Variants in FUT9 observed in about 807,000 individuals in gnomAD.
The protein encoded by FUT9 is 4-galactosyl-N-acetylglucosaminide 3-alpha-L-fucosyltransferase 9.
A neutral mutation model predicts 29.7 loss-of-function variants in FUT9; 15 were observed. The observed-to-expected ratio is 0.51, with a 90% confidence interval of 0.34 to 0.78. FUT9 has a LOEUF of 0.78. Among genes scored for constraint, FUT9 ranks in the 30% least tolerant of loss-of-function variants. The probability of loss-of-function intolerance (pLI) is 0.01; values close to 1 mark genes in which losing one functional copy is unlikely to be tolerated. For synonymous variants in FUT9, 169 were observed against 153.7 expected (o/e 1.10, Z -0.74); for missense variants, 319 against 425.4 (o/e 0.75, Z 2.20).
At chr6:96,202,581 A>C (rs1205403714) in intron 2 of FUT9, among the ~76,000 whole-genome samples, 3 of 152,198 alleles carry the variant, frequency 2.0e-5, no homozygotes, top group Non-Finnish European at 4.4e-5. Flanking sequence ...TCAAATCAAG[A>C]GTTGCCATTT....
At chr6:96,118,735 TCCATGCACGTTATTG>T (rs896689723) in intron 2 of FUT9, among the ~76,000 whole-genome samples, 3 of 152,150 alleles carry the variant, frequency 2.0e-5, no homozygotes, top group Admixed American at 6.5e-5. Context: ...AGATGACAGG[TCCATGCACGTTATTG>T]CCCCTGAAGA....
intron 2 of FUT9, among the ~76,000 whole-genome samples, chr6:96,115,516 A>G (rs1428570811): frequency 6.6e-6 from 1 of 152,256 alleles, no homozygotes; most frequent in African/African-American, 2.4e-5. Flanking sequence ...AAGTGTTCCA[A>G]TAACTAAATC....
rs1771241616 is a variant in FUT9, at chr6:96,081,737, A to T, written c.-97-32302A>T. Among the ~76,000 whole-genome samples the T allele has an allele frequency of 3.3e-5, 5 of 151,916 alleles. No individual in the cohort carries two copies. The South Asian group carries it at 1.0e-3, about 31-fold the overall frequency. On this transcript the variant is annotated intron_variant, in intron 1 of 2. Transcript: ENST00000302103. ...AGATTTCCACATGTTCAAATGCAAT[A>T]GATTATGCCAAACTATTAAGTGTTT...
At chr6:96,195,652 C>G (rs537159955) in intron 2 of FUT9, among the ~76,000 whole-genome samples, 10 of 152,136 alleles carry the variant, frequency 6.6e-5, no homozygotes, top group Non-Finnish European at 1.3e-4. Context: ...GACTTTGAGA[C>G]AGAATATAAT....
intron 2 of FUT9, among the ~76,000 whole-genome samples, chr6:96,179,420 A>G (rs954566670): frequency 2.0e-5 from 3 of 152,126 alleles, no homozygotes; most frequent in Non-Finnish European, 4.4e-5. Context: ...TGCAAGTGCT[A>G]TGTCAAAGAG....
chr6:96,125,204 A>G (rs1772112361), intron 2 of FUT9, among the ~76,000 whole-genome samples: 1 of 152,216 alleles, frequency 6.6e-6, no homozygotes, highest in South Asian at 2.1e-4. Context: ...GAGGAGCTAC[A>G]TAATTGTTAA....
rs1773846332 is a variant in FUT9 at position 96,207,129 on chromosome 6, T to TTTATAATTGCTATAATATAGAAA, written c.*2906_*2928dup. ...GCTGGAAGGAATTATAATTTTGTTG[T>TTTATAATTGCTATAATATAGAAA]TTATAATTGCTATAATATAGAAATT... On this transcript the variant is annotated 3_prime_UTR_variant, in exon 3 of 3. Coordinates refer to ENST00000302103, the MANE Select transcript of FUT9 (RefSeq NM_006581.4). 6.0e-6 allele frequency: 1 copy of TTTATAATTGCTATAATATAGAAA among 166,564 alleles called. No homozygotes were observed. The highest frequency in any genetic ancestry group is 2.4e-5 in the African/African-American group (1 of 41,450). The allele number at this position is 166,564 out of a possible 1,614,324, so 10.3% of individuals were successfully genotyped here.
chr6:96,147,623 GTCT>G (rs1340801786), intron 2 of FUT9, among the ~76,000 whole-genome samples: 2 of 152,052 alleles, frequency 1.3e-5, no homozygotes, highest in Admixed American at 1.3e-4. Context: ...AGAGAAGTAA[GTCT>G]TCTTCATATA....
rs1375181167 is a variant in FUT9 at position 96,209,017 on chromosome 6, C to G, written c.*4782C>G. 6.0e-6 allele frequency: 1 copy of G among 166,552 alleles called. No individual in the cohort carries two copies. The highest frequency in any genetic ancestry group is 2.4e-5 in the African/African-American group (1 of 41,338). 10.3% of individuals were successfully genotyped at this position (166,552 alleles called of 1,614,324 possible). A position where few individuals can be genotyped will look rare whatever the true frequency, so the allele number is the denominator to read the frequency against. On this transcript the variant is annotated 3_prime_UTR_variant, in exon 3 of 3. Coordinates refer to ENST00000302103, the MANE Select transcript of FUT9 (RefSeq NM_006581.4). ...AATTCATATTGAATATATCCATATT[C>G]ATATGCATTTTATAAAACAGTTAAC...
intron 2 of FUT9, among the ~76,000 whole-genome samples, chr6:96,177,131 A>G (rs1320023882): frequency 6.6e-6 from 1 of 152,194 alleles, no homozygotes; most frequent in Non-Finnish European, 1.5e-5. Flanking sequence ...GATCAAACCC[A>G]GAGAACTTCC....
At chr6:96,078,123 G>A (rs979992965) in intron 1 of FUT9, among the ~76,000 whole-genome samples, 5 of 152,044 alleles carry the variant, frequency 3.3e-5, no homozygotes, top group Non-Finnish European at 5.9e-5. Context: ...CTTCAGAATT[G>A]ACTCTACTTG....
intron 2 of FUT9, among the ~76,000 whole-genome samples, chr6:96,176,491 A>T (rs1298341889): frequency 6.6e-6 from 1 of 152,128 alleles, no homozygotes; most frequent in African/African-American, 2.4e-5. Flanking sequence ...GAAAAGGGTA[A>T]ATCTGGCTGT....
At chr6:96,075,787 C>T (rs1027586413) in intron 1 of FUT9, among the ~76,000 whole-genome samples, 5 of 151,978 alleles carry the variant, frequency 3.3e-5, no homozygotes, top group Admixed American at 6.6e-5. Flanking sequence ...GTTCACTGAC[C>T]GATTTGACAA....
chr6:96,158,560 T>A (rs915572090), intron 2 of FUT9, among the ~76,000 whole-genome samples: 1 of 152,074 alleles, frequency 6.6e-6, no homozygotes, highest in South Asian at 2.1e-4. Flanking sequence ...AACAGATTGG[T>A]CCCTAATTTC....
chr6:96,069,247 G>C (rs1771012234), intron 1 of FUT9, among the ~76,000 whole-genome samples: 2 of 151,966 alleles, frequency 1.3e-5, no homozygotes, highest in African/African-American at 4.8e-5. Flanking sequence ...CCGGGACGCT[G>C]GTGGCGGAGG....
intron 1 of FUT9, among the ~76,000 whole-genome samples, chr6:96,107,999 T>TG (rs200444249): frequency 6.6e-6 from 1 of 151,646 alleles, no homozygotes; most frequent in Non-Finnish European, 1.5e-5. Flanking sequence ...TTTTTTTTTT[T>TG]GTCAGATATT....
chr6:96,083,497 C>T (rs556694579), intron 1 of FUT9, among the ~76,000 whole-genome samples: 1 of 152,200 alleles, frequency 6.6e-6, no homozygotes, highest in South Asian at 2.1e-4. Flanking sequence ...TTGTTGATCA[C>T]AGGTCACCTA....
At chr6:96,182,013 A>G (rs1773318299) in intron 2 of FUT9, among the ~76,000 whole-genome samples, 1 of 152,114 alleles carries the variant, frequency 6.6e-6, no homozygotes, top group South Asian at 2.1e-4. Context: ...ACTGTTTGCC[A>G]TAGTGGTTGT....
At chr6:96,060,551 T>C (rs1582202046) in intron 1 of FUT9, among the ~76,000 whole-genome samples, 1 of 151,878 alleles carries the variant, frequency 6.6e-6, no homozygotes, top group South Asian at 2.1e-4. Flanking sequence ...CTCTTTTTTT[T>C]TTTGACATGG....
Sources: allele counts gnomAD v4.1 joint callset (sites outside exome capture counted in the v4.1 genomes callset), GRCh38; gene constraint gnomAD v4.1.1; transcripts MANE v1.5; gene names NCBI Gene and HGNC (gene_info 2026-07-23, HGNC 2026-07-21).